JPH4: variants seen among roughly 807,000 people sequenced by gnomAD.
JPH4 encodes the protein junctophilin 4, also known as junctophilin-4.
In JPH4, 18 loss-of-function variants were observed where a neutral mutation model predicts 57.6. The observed-to-expected ratio is 0.31, with a 90% CI of 0.22 to 0.46. JPH4 has a LOEUF of 0.46. Ranked by LOEUF, JPH4 falls within the 20% of genes least tolerant of loss-of-function variation. The probability of loss-of-function intolerance (pLI) is 1.00; values close to 1 mark genes in which losing one functional copy is unlikely to be tolerated. For missense variants in JPH4, 727 were observed against 911.1 expected, an observed-to-expected ratio of 0.80 and a Z score of 2.60; for synonymous variants, 425 against 406.6, an observed-to-expected ratio of 1.05 and a Z score of -0.54.
intron 5 of JPH4, 58 bp downstream of exon 5, chr14:23,570,870 A>AG: frequency 7.0e-7 from 1 of 1,434,798 alleles, no homozygotes; most frequent in Non-Finnish European, 9.2e-7. Context: ...AGTTCTGGAA[A>AG]GGGTGGGAGG....
rs1214852459 is a variant in JPH4, at chr14:23,571,191, C to T, written c.1540G>A (p.Ala514Thr). 86 of 1,613,956 alleles carry T rather than the reference C, an allele frequency of 5.3e-5. No individual in the cohort carries two copies. In the Admixed American group the frequency reaches 1.4e-3, roughly 27 times the overall value. The change falls in exon 5 of 6, where the codon GCT (alanine) becomes ACT (threonine). Residue 514 changes from alanine to threonine, a missense_variant. Physicochemically the swap from Ala to Thr is moderately conservative, Grantham distance 58. Coordinates refer to ENST00000356300, the MANE Select transcript of JPH4 (RefSeq NM_001146028.2). The surrounding 1 kb of genome is among the most constrained non-coding windows in gnomAD (Gnocchi z 4.6). ...AQAEELAGYE[A>T]EDEAGMQGPG... ...CCTTGCATCCCAGCCTCATCCTCAGCCTCATAGCCAGCTAGTTCCTCTGCC... is the reference window on the plus strand; with the variant it reads ...CCTTGCATCCCAGCCTCATCCTCAGTCTCATAGCCAGCTAGTTCCTCTGCC...
Position 23,577,091 on chromosome 14 carries a change from C to G in JPH4, c.363G>C (p.Glu121Asp). 6.4e-7 allele frequency: 1 copy of G among 1,561,984 alleles called. No individual in the cohort carries two copies. The highest frequency in any genetic ancestry group is 8.6e-7 in the Non-Finnish European group (1 of 1,159,610). The change falls in exon 2 of 6, where the codon GAG (glutamate) becomes GAC (aspartate). Residue 121 changes from glutamate to aspartate, a missense_variant. Coordinates refer to ENST00000356300, the MANE Select transcript of JPH4 (RefSeq NM_001146028.2). The surrounding 1 kb of genome is among the most constrained non-coding windows in gnomAD (Gnocchi z 8.4). ...KDGFQDGYGT[E>D]TYSDGGTYQG... ...GCCCCGCACCTCCGTCGGAGTAGGT[C>G]TCAGTGCCGTAGCCGTCCTGGAAAC...
chr14:23,570,530 C>T lies in JPH4; in HGVS notation c.1803+398G>A, dbSNP rs1190195565. ...GGGACTACAGGCGCCCGCCACCACG[C>T]CCGGCTAAATTTTTTTTGTATTTTT... is the stretch of plus-strand genomic sequence containing the variant. On this transcript the variant is annotated intron_variant, in intron 5 of 5. Coordinates refer to ENST00000356300, the MANE Select transcript of JPH4 (RefSeq NM_001146028.2). Among the ~76,000 whole-genome samples the T allele has an allele frequency of 4.6e-5, 7 of 152,200 alleles. No homozygotes were observed. In the East Asian group the frequency reaches 9.7e-4, roughly 21 times the overall value.
intron 3 of JPH4, chr14:23,572,916 A>G (rs1336944726): frequency 1.4e-6 from 1 of 702,496 alleles, no homozygotes; most frequent in African/African-American, 1.7e-5. Flanking sequence ...CTGTGATGTC[A>G]GATGCTTCCT....
At position 23,575,703 on chromosome 14, in the gene JPH4, T is replaced by C; in HGVS notation, c.1133A>G (p.Gln378Arg). 6.2e-7 allele frequency: 1 copy of C among 1,605,552 alleles called. No individual in the cohort carries two copies. Among genetic ancestry groups the C allele is most frequent in the Non-Finnish European group, 8.5e-7 (1 of 1,177,116 alleles). Residue 378 changes from glutamine to arginine, a missense_variant, in exon 3 of 6, where the codon CAG (glutamine) becomes CGG (arginine). Physicochemically the swap from Gln to Arg is conservative, Grantham distance 43. Around this residue, in one of 7 missense-constraint regions of JPH4, gnomAD observed 112 missense variants for 199.4 expected, o/e 0.56. Coordinates refer to ENST00000356300, the MANE Select transcript of JPH4 (RefSeq NM_001146028.2). The surrounding 1 kb of genome is among the most constrained non-coding windows in gnomAD (Gnocchi z 6.9). ...RRAVSAARQR[Q>R]EIAAARAADA... ...CGCCCACCTGGCAGCGGCGATCTCC[T>C]GGCGCTGACGGGCAGCACTCACGGC... is the stretch of plus-strand genomic sequence containing the variant.
rs28573150 is a variant in JPH4, at chr14:23,571,582, C to T, written c.1271-122G>A. ...AATTCCCAGGCTCATAGCCTCTCAC[C>T]GCCAGACCCCAAACCCCCCATTATC... On this transcript the variant is annotated intron_variant, in intron 4 of 5. Coordinates refer to ENST00000356300, the MANE Select transcript of JPH4 (RefSeq NM_001146028.2). The surrounding 1 kb of genome is among the most constrained non-coding windows in gnomAD (Gnocchi z 4.6). 9.9e-4 allele frequency: 1,246 copies of T among 1,256,128 alleles called. 8 individuals carry two copies. The African/African-American group carries it at 0.016, about 16-fold the overall frequency. The allele number at this position is 1,256,128 out of a possible 1,614,324, so 77.8% of individuals were successfully genotyped here.
Position 23,568,252 on chromosome 14 carries a change from G to C in JPH4, c.*1382C>G, listed in dbSNP as rs878980479. 32 of 985,748 alleles carry C rather than the reference G, an allele frequency of 3.2e-5. No homozygotes were observed. The South Asian group carries it at 1.3e-3, about 39-fold the overall frequency. 61.1% of individuals were successfully genotyped at this position (985,748 alleles called of 1,614,324 possible). Reference sequence around the variant, plus strand: ...TAGAAAAAAAGAAGAGGGTATGTGTGGTGGGCATTCCTGGGCAAGGCCATT... The same window carrying C: ...TAGAAAAAAAGAAGAGGGTATGTGTCGTGGGCATTCCTGGGCAAGGCCATT... On this transcript the variant is annotated 3_prime_UTR_variant, in exon 6 of 6. Coordinates refer to ENST00000356300, the MANE Select transcript of JPH4 (RefSeq NM_001146028.2).
Position 23,568,810 on chromosome 14 carries a change from G to A in JPH4, c.*824C>T, listed in dbSNP as rs1341935876. 1 of 985,838 alleles carries A rather than the reference G, an allele frequency of 1.0e-6. No homozygotes were observed. Among genetic ancestry groups the A allele is most frequent in the Non-Finnish European group, 1.2e-6 (1 of 830,066 alleles). 61.1% of individuals were successfully genotyped at this position (985,838 alleles called of 1,614,324 possible). ...AGACCAACCAAATAAACTATTATGG[G>A]GGAGACAGAAGGGTGGGAGAAGTCA... On this transcript the variant is annotated 3_prime_UTR_variant, in exon 6 of 6. Coordinates refer to ENST00000356300, the MANE Select transcript of JPH4 (RefSeq NM_001146028.2).
At chr14:23,574,429 C>T (rs1489618142) in intron 3 of JPH4, among the ~76,000 whole-genome samples, 1 of 152,116 alleles carries the variant, frequency 6.6e-6, no homozygotes, top group Non-Finnish European at 1.5e-5. Flanking sequence ...ACCTCGGCCT[C>T]CCAAAGTGCT....
chr14:23,568,592 A>C lies in JPH4; in HGVS notation c.*1042T>G, dbSNP rs1376119013. The C allele has an allele frequency of 1.0e-6, 1 of 985,696 alleles. No homozygotes were observed. The highest frequency in any genetic ancestry group is 1.2e-6 in the Non-Finnish European group (1 of 829,952). The allele number at this position is 985,696 out of a possible 1,614,324, so 61.1% of individuals were successfully genotyped here. On this transcript the variant is annotated 3_prime_UTR_variant, in exon 6 of 6. Transcript: ENST00000356300. ...GGATATAACCCATTTTGGGACTACT[A>C]AACTTGTCACAGCTTCTGCTTCCAT...
At position 23,568,404 on chromosome 14, in the gene JPH4, A is replaced by G. The variant is rs771682052; in HGVS notation, c.*1230T>C. 1.0e-4 allele frequency: 101 copies of G among 985,650 alleles called. No homozygotes were observed. The highest frequency in any genetic ancestry group is 1.2e-4 in the Non-Finnish European group (97 of 829,978). 61.1% of individuals were successfully genotyped at this position (985,650 alleles called of 1,614,324 possible). A position where few individuals can be genotyped will look rare whatever the true frequency, so the allele number is the denominator to read the frequency against. ...TGCTCCCAGGGGAAAAACTAATACCAGAGAGGGATCAGCCACAACCTCAAA... is the reference window on the plus strand; with the variant it reads ...TGCTCCCAGGGGAAAAACTAATACCGGAGAGGGATCAGCCACAACCTCAAA... On this transcript the variant is annotated 3_prime_UTR_variant, in exon 6 of 6. Transcript: ENST00000356300.
In JPH4 at chr14:23,575,481, G is replaced by C. The variant is rs963381875; in HGVS notation, c.1151+204C>G. 6 of 624,386 alleles carry C rather than the reference G, an allele frequency of 9.6e-6. No individual in the cohort carries two copies. The African/African-American group carries it at 1.1e-4, about 12-fold the overall frequency. The allele number at this position is 624,386 out of a possible 1,614,324, so 38.7% of individuals were successfully genotyped here. On this transcript the variant is annotated intron_variant, in intron 3 of 5. Coordinates refer to ENST00000356300, the MANE Select transcript of JPH4 (RefSeq NM_001146028.2). The surrounding 1 kb of genome is among the most constrained non-coding windows in gnomAD (Gnocchi z 6.9). ...TTACACCATCTCCCTCAAATACCCA[G>C]CTATCCAGAGTTACACCCACATCCA...
chr14:23,574,243 C>T (rs1327784311), intron 3 of JPH4, among the ~76,000 whole-genome samples: 7 of 150,804 alleles, frequency 4.6e-5, no homozygotes, highest in Non-Finnish European at 7.4e-5. Flanking sequence ...GGCGTGGTCT[C>T]GGCTCACTGC....
intron 3 of JPH4, among the ~76,000 whole-genome samples, chr14:23,574,250 C>G (rs1889221208): frequency 6.6e-6 from 1 of 151,556 alleles, no homozygotes; most frequent in South Asian, 2.1e-4. Flanking sequence ...TCTCGGCTCA[C>G]TGCAACCTCT....
chr14:23,571,981 C>G lies in JPH4; in HGVS notation c.1152-61G>C. 6.9e-7 allele frequency: 1 copy of G among 1,453,862 alleles called. No homozygotes were observed. The highest frequency in any genetic ancestry group is 9.6e-7 in the Non-Finnish European group (1 of 1,046,052). 90.1% of individuals were successfully genotyped at this position (1,453,862 alleles called of 1,614,324 possible). On this transcript the variant is annotated intron_variant, in intron 3 of 5. Coordinates refer to ENST00000356300, the MANE Select transcript of JPH4 (RefSeq NM_001146028.2). This position sits in a 1 kb window ranked among gnomAD's most constrained non-coding sequence, Gnocchi z 4.6. ...CCCCCACTTCAAGTTAGTCCCTGCT[C>G]AGATGCTCCAGCCCCCTAGCCCCTG...
chr14:23,576,604 C>G lies in JPH4; in HGVS notation c.380-148G>C. On this transcript the variant is annotated intron_variant, in intron 2 of 5. Transcript: ENST00000356300. This position sits in a 1 kb window ranked among gnomAD's most constrained non-coding sequence, Gnocchi z 8.0. Reference sequence around the variant, plus strand: ...GAGGTCGGGGAAGGGCACTGGGAGCCGGGAACAGGCCAGGCTGGGCCGGAA... The same window carrying G: ...GAGGTCGGGGAAGGGCACTGGGAGCGGGGAACAGGCCAGGCTGGGCCGGAA... 1 of 623,424 alleles carries G rather than the reference C, an allele frequency of 1.6e-6. No homozygotes were observed. Among genetic ancestry groups the G allele is most frequent in the Admixed American group, 4.3e-5 (1 of 23,260 alleles). The allele number at this position is 623,424 out of a possible 1,614,324, so 38.6% of individuals were successfully genotyped here. A position where few individuals can be genotyped will look rare whatever the true frequency, so the allele number is the denominator to read the frequency against.
Position 23,571,283 on chromosome 14 carries a change from C to T in JPH4, c.1448G>A (p.Gly483Glu). 1 of 1,600,726 alleles carries T rather than the reference C, an allele frequency of 6.2e-7. No homozygotes were observed. Among genetic ancestry groups the T allele is most frequent in the Non-Finnish European group, 8.5e-7 (1 of 1,173,160 alleles). The change falls in exon 5 of 6, where the codon GGA becomes GAA. Residue 483 changes from glycine (G) to glutamate (E), a missense_variant. Around this residue, in one of 7 missense-constraint regions of JPH4, gnomAD observed 293 missense variants for 279.8 expected, o/e 1.05. Transcript: ENST00000356300. This position sits in a 1 kb window ranked among gnomAD's most constrained non-coding sequence, Gnocchi z 4.6. ...GCTGGAGAAGGGACCCTGGTCCCCT[C>T]CAGGAGGCAGTGGGCTCCGGCAGGC... Reference protein sequence around the residue: ...PPACRSPLPPGGDQGPFSSPK... With the variant: ...PPACRSPLPPEGDQGPFSSPK...
chr14:23,568,238 A>G lies in JPH4; in HGVS notation c.*1396T>C, dbSNP rs1888868471. On this transcript the variant is annotated 3_prime_UTR_variant, in exon 6 of 6. Coordinates refer to ENST00000356300, the MANE Select transcript of JPH4 (RefSeq NM_001146028.2). ...AACAAGAGTTTGACTAGAAAAAAAG[A>G]AGAGGGTATGTGTGGTGGGCATTCC... 1.0e-6 allele frequency: 1 copy of G among 985,742 alleles called. No homozygotes were observed. Among genetic ancestry groups the G allele is most frequent in the Non-Finnish European group, 1.2e-6 (1 of 829,934 alleles). The allele number at this position is 985,742 out of a possible 1,614,324, so 61.1% of individuals were successfully genotyped here. A position where few individuals can be genotyped will look rare whatever the true frequency, so the allele number is the denominator to read the frequency against.
At position 23,568,661 on chromosome 14, in the gene JPH4, C is replaced by G; in HGVS notation, c.*973G>C. The G allele has an allele frequency of 1.0e-6, 1 of 985,944 alleles. No individual in the cohort carries two copies. The highest frequency in any genetic ancestry group is 1.2e-6 in the Non-Finnish European group (1 of 829,986). 61.1% of individuals were successfully genotyped at this position (985,944 alleles called of 1,614,324 possible). A position where few individuals can be genotyped will look rare whatever the true frequency, so the allele number is the denominator to read the frequency against. On this transcript the variant is annotated 3_prime_UTR_variant, in exon 6 of 6. Transcript: ENST00000356300. ...GTCTGGTCCTATCCCCCAGAAGTGC[C>G]TCCTCCCACCACAACTCCCAGAGTT...
Sources: allele counts gnomAD v4.1 joint callset (sites outside exome capture counted in the v4.1 genomes callset), GRCh38; gene constraint gnomAD v4.1.1; regional missense constraint gnomAD v4.1.1; non-coding constraint Gnocchi (gnomAD v3.1); transcripts MANE v1.5; gene names NCBI Gene and HGNC (gene_info 2026-07-23, HGNC 2026-07-21).